Variants in SCAPER observed in about 807,000 individuals in gnomAD.
The protein encoded by SCAPER is S-phase cyclin A associated protein in the ER, also known as S phase cyclin A-associated protein in the endoplasmic reticulum.
SCAPER carries 98 observed loss-of-function variants against 182.2 expected under a neutral mutation model. That is an observed-to-expected ratio of 0.54 (90% CI 0.46 to 0.64). SCAPER has a LOEUF of 0.64. Among genes scored for constraint, SCAPER ranks in the 30% least tolerant of loss-of-function variants. The pLI is 0.00. For missense variants in SCAPER, 1,432 were observed against 1,690.0 expected (o/e 0.85, Z 2.68); for synonymous variants, 605 against 564.6 (o/e 1.07, Z -1.01).
At chr15:76,816,435 G>C (rs1269237452) in intron 5 of SCAPER, among the ~76,000 whole-genome samples, 1 of 151,954 alleles carries the variant, frequency 6.6e-6, no homozygotes, top group African/African-American at 2.4e-5. Context: ...CCAGGATCAG[G>C]ATCTTCCACC....
chr15:76,437,591 G>A (rs1336712212), intron 25 of SCAPER, among the ~76,000 whole-genome samples: 1 of 152,094 alleles, frequency 6.6e-6, no homozygotes. Context: ...GGTAATGTCA[G>A]GGTTCTTCAT....
At chr15:76,574,651 A>G (rs1285409499) in intron 22 of SCAPER, among the ~76,000 whole-genome samples, 1 of 152,194 alleles carries the variant, frequency 6.6e-6, no homozygotes, top group African/African-American at 2.4e-5. Flanking sequence ...AGGTTTTTAT[A>G]TTTTGATTTA....
At position 76,813,249 on chromosome 15, in the gene SCAPER, A is replaced by AAAAAAAAAAAC. The variant is rs2066805442; in HGVS notation, c.394-8617_394-8616insGTTTTTTTTTT. On this transcript the variant is annotated intron_variant, in intron 5 of 31. Coordinates refer to ENST00000563290, the MANE Select transcript of SCAPER (RefSeq NM_020843.4). ...CACTAAAAAAAAAAAAAAAAAAAAA[A>AAAAAAAAAAAC]AAAAAACAACTCAACAAAATAGGTA... Among the ~76,000 whole-genome samples the AAAAAAAAAAAC allele has an allele frequency of 2.0e-4, 12 of 60,176 alleles. 2 individuals carry two copies. The highest frequency in any genetic ancestry group is 4.6e-4 in the Non-Finnish European group (10 of 21,534). 39.5% of individuals were successfully genotyped at this position (60,176 alleles called of 152,430 possible). A position where few individuals can be genotyped will look rare whatever the true frequency, so the allele number is the denominator to read the frequency against.
At chr15:76,739,665 T>C (rs1382970063) in intron 15 of SCAPER, among the ~76,000 whole-genome samples, 1 of 152,230 alleles carries the variant, frequency 6.6e-6, no homozygotes, top group East Asian at 1.9e-4. Context: ...TGTTTATTTC[T>C]AGATTTTCCA....
chr15:76,646,515 C>T (rs1171158157), intron 21 of SCAPER, among the ~76,000 whole-genome samples: 1 of 152,150 alleles, frequency 6.6e-6, no homozygotes, highest in African/African-American at 2.4e-5. Flanking sequence ...AACTGCAGCT[C>T]AATGGCAATA....
chr15:76,392,468 G>A (rs1002713822), intron 27 of SCAPER, among the ~76,000 whole-genome samples: 2 of 152,168 alleles, frequency 1.3e-5, no homozygotes, highest in African/African-American at 4.8e-5. Flanking sequence ...AGGCATGGTG[G>A]CTCACGCCTG....
intron 5 of SCAPER, among the ~76,000 whole-genome samples, chr15:76,834,773 T>C (rs3110377): frequency 0.97 from 147,850 of 152,280 alleles, 71,909 homozygotes; most frequent in South Asian, 1. Context: ...TTAGAGACAC[T>C]TCTGTGCATA....
chr15:76,630,972 G>C (rs1035601646), intron 21 of SCAPER, among the ~76,000 whole-genome samples: 1 of 152,082 alleles, frequency 6.6e-6, no homozygotes, highest in African/African-American at 2.4e-5. Flanking sequence ...TATGAATCTG[G>C]GTACTCCTAT....
chr15:76,401,060 A>G (rs1014587798), intron 27 of SCAPER, among the ~76,000 whole-genome samples: 2 of 151,986 alleles, frequency 1.3e-5, no homozygotes, highest in Non-Finnish European at 2.9e-5. Flanking sequence ...TAGTGGAAAT[A>G]TAAGTTTGGT....
At chr15:76,534,105 T>G (rs971080096) in intron 23 of SCAPER, among the ~76,000 whole-genome samples, 1 of 152,232 alleles carries the variant, frequency 6.6e-6, no homozygotes, top group Non-Finnish European at 1.5e-5. Context: ...GCCTGACAGT[T>G]TGCAGATTAA....
At chr15:76,439,664 C>T (rs1302715225) in intron 25 of SCAPER, among the ~76,000 whole-genome samples, 1 of 152,208 alleles carries the variant, frequency 6.6e-6, no homozygotes, top group Non-Finnish European at 1.5e-5. Context: ...AAGCAACCTC[C>T]TCCCTTCCCC....
intron 5 of SCAPER, among the ~76,000 whole-genome samples, chr15:76,832,351 T>C (rs1319662878): frequency 2.0e-5 from 3 of 152,144 alleles, no homozygotes; most frequent in Non-Finnish European, 4.4e-5. Context: ...GAAGAATTAA[T>C]AAGAGAATAC....
intron 23 of SCAPER, among the ~76,000 whole-genome samples, chr15:76,525,729 T>C (rs58511211): frequency 0.4 from 60,435 of 152,088 alleles, 14,206 homozygotes; most frequent in Middle Eastern, 0.55. Context: ...ATGGTGTATA[T>C]ATACCACATT....
intron 24 of SCAPER, among the ~76,000 whole-genome samples, chr15:76,482,465 G>T (rs1377664459): frequency 2.6e-5 from 4 of 151,978 alleles, no homozygotes; most frequent in Non-Finnish European, 5.9e-5. Flanking sequence ...CCAAGATTGG[G>T]GACAAGGTTA....
chr15:76,696,343 G>T (rs1354938490), intron 20 of SCAPER, among the ~76,000 whole-genome samples: 1 of 151,822 alleles, frequency 6.6e-6, no homozygotes, highest in Non-Finnish European at 1.5e-5. Flanking sequence ...CACCTAATTG[G>T]CATATATTGT....
At chr15:76,619,302 C>T (rs1327063013) in intron 22 of SCAPER, among the ~76,000 whole-genome samples, 1 of 152,136 alleles carries the variant, frequency 6.6e-6, no homozygotes, top group African/African-American at 2.4e-5. Flanking sequence ...CTAAGTAATA[C>T]CCCATTGTAT....
chr15:76,651,814 G>GAA (rs200721516), intron 21 of SCAPER, among the ~76,000 whole-genome samples: 17 of 99,428 alleles, frequency 1.7e-4, no homozygotes, highest in Non-Finnish European at 2.4e-4. Context: ...AGGCACAATG[G>GAA]AAAAAAAAAA....
chr15:76,449,091 T>C (rs16968251), intron 25 of SCAPER, among the ~76,000 whole-genome samples: 1,732 of 152,316 alleles, frequency 0.011, 38 homozygotes, highest in African/African-American at 0.038. Context: ...TGATCCAACA[T>C]AGAATCCAGA....
At chr15:76,510,889 G>A (rs866408237) in intron 23 of SCAPER, among the ~76,000 whole-genome samples, 1 of 146,486 alleles carries the variant, frequency 6.8e-6, no homozygotes, top group Non-Finnish European at 1.5e-5. Flanking sequence ...GTGTGTGTGT[G>A]CGCGCGCGCA....
Sources: gnomAD v4.1 joint callset for allele counts (sites outside exome capture counted in the v4.1 genomes callset) on GRCh38, gnomAD v4.1.1 for gene constraint, MANE v1.5 for transcripts, NCBI Gene and HGNC (gene_info 2026-07-23, HGNC 2026-07-21) for gene names.